The following GALNTL6 variants were observed in gnomAD, a reference collection of about 807,000 sequenced individuals.
The protein encoded by GALNTL6 is polypeptide N-acetylgalactosaminyltransferase like 6, also known as polypeptide N-acetylgalactosaminyltransferase-like 6.
Under a neutral mutation model 73.7 loss-of-function variants are expected in GALNTL6, and 46 were observed. The ratio of observed to expected loss-of-function variants is 0.62; its 90% CI spans 0.49 to 0.80. The LOEUF (loss-of-function observed/expected upper bound fraction) is 0.80, where lower values mean the gene tolerates loss of function less well. GALNTL6 is among the 30% of genes least tolerant of loss of function. The probability of loss-of-function intolerance (pLI) is 0.00; values close to 1 mark genes in which losing one functional copy is unlikely to be tolerated. For missense variants in GALNTL6, 604 were observed against 755.0 expected (o/e 0.80, Z 2.34); for synonymous variants, 259 against 263.7 (o/e 0.98, Z 0.17).
At chr4:172,125,475 G>C (rs1470167690) in intron 2 of GALNTL6, among the ~76,000 whole-genome samples, 1 of 152,186 alleles carries the variant, frequency 6.6e-6, no homozygotes, top group African/African-American at 2.4e-5. Flanking sequence ...GAACCAAATT[G>C]TTAGTTTTGT....
At chr4:172,311,464 C>T (rs1055073386) in intron 3 of GALNTL6, 150 bp from the exon 4 acceptor site, 9 of 485,370 alleles carry the variant, frequency 1.9e-5, no homozygotes, top group Non-Finnish European at 2.8e-5. Flanking sequence ...TACTTAAAGG[C>T]AATTAAAATA....
At chr4:172,088,771 C>A (rs1732118060) in intron 2 of GALNTL6, among the ~76,000 whole-genome samples, 1 of 152,078 alleles carries the variant, frequency 6.6e-6, no homozygotes, top group Non-Finnish European at 1.5e-5. Flanking sequence ...CTTGAGAGAA[C>A]AGATTAATCC....
intron 5 of GALNTL6, among the ~76,000 whole-genome samples, chr4:172,411,797 A>G (rs969598316): frequency 3.9e-5 from 6 of 152,132 alleles, no homozygotes; most frequent in Admixed American, 3.9e-4. Context: ...CATGTAACAT[A>G]TACTTCTTTA....
At chr4:172,981,367 T>A (rs1751055656) in intron 10 of GALNTL6, among the ~76,000 whole-genome samples, 5 of 152,238 alleles carry the variant, frequency 3.3e-5, no homozygotes, top group Admixed American at 2.6e-4. Flanking sequence ...ACACTTGTAG[T>A]TTTCCACTGT....
rs374305131 is a variant in GALNTL6 at position 171,930,774 on chromosome 4, G to C, written c.138+116056G>C. On this transcript the variant is annotated intron_variant, in intron 2 of 12. Coordinates refer to ENST00000506823, the MANE Select transcript of GALNTL6 (RefSeq NM_001034845.3). ...CACTTGAACCCAGGAGGCAGAGGTT[G>C]CAGTGAGCTAAGATGGTGCCACTGC... 8.4e-4 allele frequency among the ~76,000 whole-genome samples: 128 copies of C among 152,308 alleles called. 3 individuals are homozygous for C. The East Asian group carries it at 0.021, about 24-fold the overall frequency.
chr4:172,552,139 G>C (rs1036410359), intron 5 of GALNTL6, among the ~76,000 whole-genome samples: 1 of 151,906 alleles, frequency 6.6e-6, no homozygotes, highest in Non-Finnish European at 1.5e-5. Context: ...ATAAATTTTC[G>C]TTGAATAATC....
At chr4:172,342,583 T>C (rs1446513558) in intron 4 of GALNTL6, among the ~76,000 whole-genome samples, 2 of 152,232 alleles carry the variant, frequency 1.3e-5, no homozygotes, top group Non-Finnish European at 2.9e-5. Context: ...TTAAATGTGG[T>C]TGCAGCTCTA....
chr4:172,102,012 T>C (rs2110961935), intron 2 of GALNTL6, among the ~76,000 whole-genome samples: 1 of 152,270 alleles, frequency 6.6e-6, no homozygotes, highest in South Asian at 2.1e-4. Flanking sequence ...ATACAGTTCT[T>C]ATTGTTTAAT....
intron 10 of GALNTL6, among the ~76,000 whole-genome samples, chr4:172,987,176 A>T (rs1383561055): frequency 6.6e-6 from 1 of 152,206 alleles, no homozygotes; most frequent in Non-Finnish European, 1.5e-5. Context: ...ATAAAGACAC[A>T]TCCAAGACTG....
intron 2 of GALNTL6, among the ~76,000 whole-genome samples, chr4:171,888,313 T>C (rs989100187): frequency 7.3e-5 from 11 of 150,816 alleles, no homozygotes; most frequent in Non-Finnish European, 1.3e-4. Flanking sequence ...TTACATAACT[T>C]TAAAGTTCAG....
At chr4:172,464,793 T>A (rs561461711) in intron 5 of GALNTL6, among the ~76,000 whole-genome samples, 9 of 152,272 alleles carry the variant, frequency 5.9e-5, no homozygotes, top group Non-Finnish European at 8.8e-5. Context: ...CACAATTCTA[T>A]GTACACTTTA....
At chr4:172,119,872 G>C (rs757167891) in intron 2 of GALNTL6, among the ~76,000 whole-genome samples, 1 of 152,118 alleles carries the variant, frequency 6.6e-6, no homozygotes, top group Non-Finnish European at 1.5e-5. Context: ...CCAAGAATTT[G>C]AGTTTTGAAC....
Position 172,320,132 on chromosome 4 carries a change from T to G in GALNTL6, c.386+8380T>G, listed in dbSNP as rs146440474. Among the ~76,000 whole-genome samples the G allele has an allele frequency of 8.1e-4, 123 of 152,266 alleles. 2 individuals are homozygous for G. In the South Asian group the frequency reaches 0.016, roughly 19 times the overall value. ...AATCATAGTACAGAGGTGGCATCTCTTCTTCCTCTTAGCCACCACACATGA... is the reference window on the plus strand; with the variant it reads ...AATCATAGTACAGAGGTGGCATCTCGTCTTCCTCTTAGCCACCACACATGA... On this transcript the variant is annotated intron_variant, in intron 4 of 12. Coordinates refer to ENST00000506823, the MANE Select transcript of GALNTL6 (RefSeq NM_001034845.3).
intron 2 of GALNTL6, among the ~76,000 whole-genome samples, chr4:171,888,842 T>G (rs80274934): frequency 6.6e-5 from 10 of 152,166 alleles, no homozygotes; most frequent in Admixed American, 5.9e-4. Flanking sequence ...CATGATATAA[T>G]TTTTACTACC....
chr4:172,042,864 T>TAAAAAA (rs397996272), intron 2 of GALNTL6, among the ~76,000 whole-genome samples: 534 of 44,392 alleles, frequency 0.012, 77 homozygotes, highest in African/African-American at 0.022. Context: ...TCTTTAACAG[T>TAAAAAA]AAAAAAAAAA....
At chr4:172,701,889 T>G (rs1734051273) in intron 5 of GALNTL6, among the ~76,000 whole-genome samples, 1 of 152,002 alleles carries the variant, frequency 6.6e-6, no homozygotes, top group Non-Finnish European at 1.5e-5. Context: ...ATGAAAACAG[T>G]GTTTTAAGAA....
chr4:173,021,742 C>T, intron 12 of GALNTL6, 117 bp downstream of exon 12: 1 of 1,048,396 alleles, frequency 9.5e-7, no homozygotes, highest in South Asian at 1.5e-5. Flanking sequence ...ACCTGTAATC[C>T]TGGCACTCTG....
chr4:172,281,111 A>G (rs7697218), intron 3 of GALNTL6, among the ~76,000 whole-genome samples: 98,354 of 151,870 alleles, frequency 0.65, 33,788 homozygotes, highest in African/African-American at 0.9. Flanking sequence ...GGAGCTTGCA[A>G]TGAACCGAGA....
intron 7 of GALNTL6, among the ~76,000 whole-genome samples, chr4:172,839,620 T>C (rs1228833084): frequency 6.6e-6 from 1 of 152,208 alleles, no homozygotes; most frequent in Admixed American, 6.5e-5. Flanking sequence ...ATAGATTTAA[T>C]CATTAGTAAA....
Sources: allele counts gnomAD v4.1 joint callset (sites outside exome capture counted in the v4.1 genomes callset), GRCh38; gene constraint gnomAD v4.1.1; transcripts MANE v1.5; gene names NCBI Gene and HGNC (gene_info 2026-07-23, HGNC 2026-07-21).